The following PARP14 variants were observed in gnomAD, a reference collection of about 807,000 sequenced individuals.
PARP14 encodes protein mono-ADP-ribosyltransferase PARP14.
A neutral mutation model predicts 154.2 loss-of-function variants in PARP14; 59 were observed. That is an observed-to-expected ratio of 0.38 (90% CI 0.31 to 0.48). PARP14 has a LOEUF of 0.48. Ranked by LOEUF, PARP14 falls within the 20% of genes least tolerant of loss-of-function variation. PARP14 has a pLI of 0.98. For missense variants in PARP14, 1,734 were observed against 2,131.6 expected (o/e 0.81, Z 3.67); for synonymous variants, 720 against 780.5 (o/e 0.92, Z 1.29).
chr3:122,718,031 C>CT (rs1383291597), intron 12 of PARP14, 40 bp from the exon 13 acceptor site: 1 of 1,534,352 alleles, frequency 6.5e-7, no homozygotes, highest in Non-Finnish European at 9.0e-7. Context: ...CCACTTGGGG[C>CT]TTTTTTGTCC....
chr3:122,693,554 T>A (rs904337198), intron 4 of PARP14, among the ~76,000 whole-genome samples: 6 of 152,138 alleles, frequency 3.9e-5, no homozygotes, highest in Admixed American at 2.6e-4. Context: ...GTACTTAACA[T>A]AGGGCCAGGT....
In PARP14 at chr3:122,685,260, A is replaced by G; in HGVS notation, c.263A>G (p.Gln88Arg). The G allele has an allele frequency of 1.2e-6, 2 of 1,613,838 alleles. No individual in the cohort carries two copies. Among genetic ancestry groups the G allele is most frequent in the Non-Finnish European group, 1.7e-6 (2 of 1,179,714 alleles). Residue 88 changes from glutamine (Q) to arginine (R), a missense_variant, in exon 2 of 17, where the codon CAG (glutamine) becomes CGG (arginine). Physicochemically the swap from Gln to Arg is conservative, Grantham distance 43. Coordinates refer to ENST00000474629, the MANE Select transcript of PARP14 (RefSeq NM_017554.3). ...AAAGGAACATTCAAGTTAACTGTCCAGTTACCTGCAACCCCAGATGAAATC... is the reference window on the plus strand; with the variant it reads ...AAAGGAACATTCAAGTTAACTGTCCGGTTACCTGCAACCCCAGATGAAATC... ...QGKGTFKLTV[Q>R]LPATPDEIDH...
rs1938961035 is a variant in PARP14, at chr3:122,701,209, G to C, written c.2655G>C (p.Trp885Cys). The stretch of plus-strand genomic sequence containing the variant: ...TGATCCATGCAGTGGGGCCCCGCTG[G>C]AGCGGATATGAGGCCCCGAGGTGTG... ...HHVIHAVGPR[W>C]SGYEAPRCVY... The change falls in exon 6 of 17, where the codon TGG (tryptophan) becomes TGC (cysteine). Residue 885 changes from tryptophan (W) to cysteine (C), a missense_variant. Around this residue, in one of 2 missense-constraint regions of PARP14, gnomAD observed 1,646 missense variants for 1,976.0 expected, o/e 0.83. Transcript: ENST00000474629. The surrounding 1 kb of genome is among the most constrained non-coding windows in gnomAD (Gnocchi z 4.0). The C allele has an allele frequency of 1.9e-6, 3 of 1,613,364 alleles. No homozygotes were observed. Among genetic ancestry groups the C allele is most frequent in the African/African-American group, 2.7e-5 (2 of 74,924 alleles).
At chr3:122,694,096 C>G (rs972519375) in intron 4 of PARP14, among the ~76,000 whole-genome samples, 2 of 152,088 alleles carry the variant, frequency 1.3e-5, no homozygotes, top group Non-Finnish European at 2.9e-5. Context: ...AAACTCATAG[C>G]CTGGGGTCAG....
intron 12 of PARP14, among the ~76,000 whole-genome samples, chr3:122,715,149 T>A (rs1932955141): frequency 6.6e-6 from 1 of 152,150 alleles, no homozygotes; most frequent in Non-Finnish European, 1.5e-5. Flanking sequence ...GAATGTGCAG[T>A]TTTGTTGCAC....
intron 4 of PARP14, among the ~76,000 whole-genome samples, chr3:122,692,767 G>A (rs945359045): frequency 1.5e-4 from 22 of 151,674 alleles, no homozygotes; most frequent in Non-Finnish European, 1.2e-4. Context: ...GAGTGCCCAA[G>A]TGTGTGTGTG....
chr3:122,726,304 T>C (rs1320564616), intron 15 of PARP14, among the ~76,000 whole-genome samples: 1 of 152,250 alleles, frequency 6.6e-6, no homozygotes, highest in African/African-American at 2.4e-5. Context: ...AGTTTTTATT[T>C]ATCTGAAAAC....
At chr3:122,724,979 A>C (rs1933251869) in intron 15 of PARP14, among the ~76,000 whole-genome samples, 1 of 152,208 alleles carries the variant, frequency 6.6e-6, no homozygotes, top group Non-Finnish European at 1.5e-5. Flanking sequence ...AAGGTTGTAG[A>C]TTAACAGCAT....
chr3:122,712,458 G>A (rs1939353827), intron 9 of PARP14, among the ~76,000 whole-genome samples: 1 of 152,088 alleles, frequency 6.6e-6, no homozygotes, highest in African/African-American at 2.4e-5. Context: ...ATGTTGGACA[G>A]GCTTGTCTTG....
intron 3 of PARP14, among the ~76,000 whole-genome samples, chr3:122,689,214 T>C (rs779592092): frequency 6.6e-6 from 1 of 152,174 alleles, no homozygotes; most frequent in Non-Finnish European, 1.5e-5. Context: ...CAAGGGCCCT[T>C]TCTGGCTTCC....
intron 2 of PARP14, 159 bp from the exon 3 acceptor site, chr3:122,686,921 C>T: frequency 1.9e-6 from 1 of 536,986 alleles, no homozygotes; most frequent in East Asian, 3.0e-5. Flanking sequence ...GTGAATATGC[C>T]ACTATATATG....
intron 1 of PARP14, among the ~76,000 whole-genome samples, chr3:122,682,363 T>G (rs1938235477): frequency 6.6e-6 from 1 of 152,122 alleles, no homozygotes; most frequent in Non-Finnish European, 1.5e-5. Context: ...CTGAATCACC[T>G]GGAGAGCAGG....
Position 122,720,276 on chromosome 3 carries a change from G to A in PARP14, c.4829G>A (p.Ser1610Asn). Residue 1610 changes from serine to asparagine, a missense_variant, in exon 15 of 17, where the codon AGT (serine) becomes AAT (asparagine). Ser to Asn is a conservative substitution (Grantham distance 46, BLOSUM62 1). Coordinates refer to ENST00000474629, the MANE Select transcript of PARP14 (RefSeq NM_017554.3). ...GCAGTTGACATCCCTGCACACTGGA[G>A]TGATATGAAGCAGCAGAATTTCTGT... The part of the protein sequence containing the change: ...KSKVDIPAHW[S>N]DMKQQNFCVV... 4 of 1,613,402 alleles carry A rather than the reference G, an allele frequency of 2.5e-6. No individual in the cohort carries two copies. The highest frequency in any genetic ancestry group is 3.4e-6 in the Non-Finnish European group (4 of 1,179,636).
Position 122,680,930 on chromosome 3 carries a change from GC to G in PARP14, c.51del (p.Asp18ThrfsTer6). ...SFPLLVEGSW[G>X]PDPPKNLNTK... ...CCGCTGCTGGTCGAGGGCTCCTGGGGCCCCGACCCCCCGAAGAACTTGAACA... is the reference window on the plus strand; with the variant it reads ...CCGCTGCTGGTCGAGGGCTCCTGGGGCCCGACCCCCCGAAGAACTTGAACA... On this transcript the variant is annotated frameshift_variant, in exon 1 of 17. Transcript: ENST00000474629. LOFTEE classifies it high-confidence loss of function. 1 of 1,612,752 alleles carries G rather than the reference GC, an allele frequency of 6.2e-7. No individual in the cohort carries two copies. The highest frequency in any genetic ancestry group is 8.5e-7 in the Non-Finnish European group (1 of 1,179,392).
rs1271361584 is a variant in PARP14, at chr3:122,725,279, T to A, written c.4942-2533T>A. ...AGACAGGGCGGCCGGGCAGAGGCAC[T>A]CCTCACCTCCCAGATGGGGCAGCTG... On this transcript the variant is annotated intron_variant, in intron 15 of 16. Coordinates refer to ENST00000474629, the MANE Select transcript of PARP14 (RefSeq NM_017554.3). Among the ~76,000 whole-genome samples, 44 of 148,752 alleles carry A rather than the reference T, an allele frequency of 3.0e-4. 1 individual carries two copies. The highest frequency in any genetic ancestry group is 2.9e-3 in the Admixed American group (43 of 15,000).
At chr3:122,704,994 G>T (rs1393969296) in intron 8 of PARP14, among the ~76,000 whole-genome samples, 1 of 152,166 alleles carries the variant, frequency 6.6e-6, no homozygotes, top group Non-Finnish European at 1.5e-5. Flanking sequence ...ATAGTATAAT[G>T]CAGTCCCTTG....
rs369654388 is a variant in PARP14, at chr3:122,715,270, C to A, written c.4000+841C>A. On this transcript the variant is annotated intron_variant, in intron 12 of 16. Coordinates refer to ENST00000474629, the MANE Select transcript of PARP14 (RefSeq NM_017554.3). ...TCAACGGAGCTGCCTTGTTCCAGTG[C>A]GAGAATAGTCAGCATCGGATCTGTC... is the stretch of plus-strand genomic sequence containing the variant. 4.4e-4 allele frequency among the ~76,000 whole-genome samples: 67 copies of A among 152,150 alleles called. No individual in the cohort carries two copies. The East Asian group carries it at 7.7e-3, about 18-fold the overall frequency.
At position 122,700,888 on chromosome 3, in the gene PARP14, T is replaced by C. The variant is rs1236839700; in HGVS notation, c.2334T>C (p.Asn778=). 6 of 1,613,856 alleles carry C rather than the reference T, an allele frequency of 3.7e-6. No individual in the cohort carries two copies. In the Admixed American group the frequency reaches 5.0e-5, roughly 13 times the overall value. ...LFGCYIELQE[N]EVMKEGGSPA... ...GTTGTTACATTGAACTACAGGAGAA[T>C]GAAGTAATGAAGGAGGGAGGCAGCC... Residue 778 remains asparagine (N), a synonymous_variant, in exon 6 of 17, where the codon AAT becomes AAC. Transcript: ENST00000474629.
chr3:122,689,114 T>C (rs1245648644), intron 3 of PARP14, among the ~76,000 whole-genome samples: 1 of 152,176 alleles, frequency 6.6e-6, no homozygotes, highest in East Asian at 1.9e-4. Flanking sequence ...GACTCCTCTC[T>C]CAATTCCAGA....
Sources: gnomAD v4.1 joint callset for allele counts (sites outside exome capture counted in the v4.1 genomes callset) on GRCh38, gnomAD v4.1.1 for gene constraint, gnomAD v4.1.1 regional missense constraint, Gnocchi (gnomAD v3.1) non-coding constraint, MANE v1.5 for transcripts, NCBI Gene and HGNC (gene_info 2026-07-23, HGNC 2026-07-21) for gene names.